The following NR4A1 variants were observed in gnomAD, a reference collection of about 807,000 sequenced individuals.
The protein encoded by NR4A1 is nuclear receptor subfamily 4immunitygroup A member 1.
Under a neutral mutation model 47.5 loss-of-function variants are expected in NR4A1, and 24 were observed. That is an observed-to-expected ratio of 0.50 (90% CI 0.37 to 0.71). The LOEUF (loss-of-function observed/expected upper bound fraction) is 0.71. Ranked by LOEUF, NR4A1 falls within the 30% of genes least tolerant of loss-of-function variation. The probability of loss-of-function intolerance (pLI) is 0.00; values close to 1 mark genes in which losing one functional copy is unlikely to be tolerated. For synonymous variants in NR4A1, 353 were observed against 345.7 expected (o/e 1.02, Z -0.24); for missense variants, 669 against 788.6 (o/e 0.85, Z 1.82).
In NR4A1 at chr12:52,054,731, C is replaced by A. The variant is rs777261727; in HGVS notation, c.403C>A (p.Pro135Thr). ...SSSGSDYYGS[P>T]CSAPSPSTPS... ...CAGTGGCTCTGACTACTATGGCAGC[C>A]CCTGCTCGGCCCCGTCGCCCTCCAC... The change falls in exon 2 of 7, where the codon CCC (proline) becomes ACC (threonine). Residue 135 changes from proline to threonine, a missense_variant. Pro to Thr is a conservative substitution (Grantham distance 38). Transcript: ENST00000394825. 3 of 1,613,158 alleles carry A rather than the reference C, an allele frequency of 1.9e-6. No individual in the cohort carries two copies.
upstream of NR4A1, chr12:52,051,441 G>T (rs1938934259): frequency 1.0e-6 from 1 of 985,442 alleles, no homozygotes; most frequent in Non-Finnish European, 1.2e-6. Flanking sequence ...CTCGGCCGGG[G>T]AGTCCCAGTG....
At position 52,054,679 on chromosome 12, in the gene NR4A1, C is replaced by A. The variant is rs746555677; in HGVS notation, c.351C>A (p.Ser117Arg). Residue 117 changes from serine (S) to arginine (R), a missense_variant, in exon 2 of 7, where the codon AGC becomes AGA. Transcript: ENST00000394825. Reference sequence around the variant, plus strand: ...ACGGCTGCTACCCCGGCCCCCTGAGCGGCCCAGTGGATGAGGCCCTGTCCT... The same window carrying A: ...ACGGCTGCTACCCCGGCCCCCTGAGAGGCCCAGTGGATGAGGCCCTGTCCT... ...QVYGCYPGPL[S>R]GPVDEALSSS... is the part of the protein sequence containing the mutation. 1.9e-6 allele frequency: 3 copies of A among 1,613,978 alleles called. No individual in the cohort carries two copies. The highest frequency in any genetic ancestry group is 1.7e-5 in the Admixed American group (1 of 60,024).
At chr12:52,041,049 A>T (rs1317394269) in intron 1 of NR4A1, among the ~76,000 whole-genome samples, 1 of 152,152 alleles carries the variant, frequency 6.6e-6, no homozygotes, top group East Asian at 1.9e-4. Context: ...AGGAGAGGCC[A>T]GGTGCCCAGG....
chr12:52,059,062 C>T lies in NR4A1; in HGVS notation c.*118C>T. ...GGCTTGAGCTGCAGAATGACTCCAC[C>T]TTCTCACCTGCTCCAGGAGGTTTGC... On this transcript the variant is annotated 3_prime_UTR_variant, in exon 7 of 7. Transcript: ENST00000394825. 7.8e-7 allele frequency: 1 copy of T among 1,285,578 alleles called. No individual in the cohort carries two copies. The highest frequency in any genetic ancestry group is 1.1e-6 in the Non-Finnish European group (1 of 949,770). The allele number at this position is 1,285,578 out of a possible 1,614,324, so 79.6% of individuals were successfully genotyped here.
chr12:52,037,356 G>T (rs1938272865), intron 1 of NR4A1: 12 of 985,364 alleles, frequency 1.2e-5, no homozygotes, highest in Non-Finnish European at 1.3e-5. Context: ...AGGCATGGGC[G>T]CCCCTGCGGT....
intron 1 of NR4A1, chr12:52,052,596 C>T (rs1303136125): frequency 1.8e-5 from 18 of 985,634 alleles, no homozygotes; most frequent in South Asian, 4.7e-5. Context: ...CCTTCAACCC[C>T]GCCTCTTCCT....
intron 2 of NR4A1, chr12:52,043,955 T>C (rs1351217679): frequency 7.8e-7 from 1 of 1,284,444 alleles, no homozygotes; most frequent in South Asian, 1.2e-5. Flanking sequence ...AGCTGGGCTG[T>C]TTGGATTTTT....
At chr12:52,050,876 A>G (rs1938888491), upstream of NR4A1, among the ~76,000 whole-genome samples, 1 of 152,142 alleles carries the variant, frequency 6.6e-6, no homozygotes, top group African/African-American at 2.4e-5. Flanking sequence ...ACCGCCCAGC[A>G]GCGGCAGCAG....
At chr12:52,046,649 A>G (rs1260006687), upstream of NR4A1, among the ~76,000 whole-genome samples, 1 of 152,190 alleles carries the variant, frequency 6.6e-6, no homozygotes, top group African/African-American at 2.4e-5. Flanking sequence ...CTGGATCCAT[A>G]TGAAGAAATA....
At chr12:52,058,654 C>G (rs778755070) in intron 6 of NR4A1, 34 bp from the exon 7 acceptor site, 4 of 1,518,956 alleles carry the variant, frequency 2.6e-6, no homozygotes, top group Non-Finnish European at 3.5e-6. Context: ...GCCTGGTTCT[C>G]AGATGTACAG....
At chr12:52,037,290 C>T (rs1447278866) in intron 1 of NR4A1, 34 of 771,382 alleles carry the variant, frequency 4.4e-5, no homozygotes, top group Non-Finnish European at 5.0e-5. Context: ...GAGGAGGTGG[C>T]GGCGGCGGCG....
intron 2 of NR4A1, among the ~76,000 whole-genome samples, chr12:52,044,383 C>T (rs1219331286): frequency 1.3e-5 from 2 of 152,202 alleles, no homozygotes; most frequent in Admixed American, 6.5e-5. Context: ...CCCGGCCTCC[C>T]AGCTGCTTTG....
At chr12:52,038,815 G>A in intron 1 of NR4A1, 11 of 745,266 alleles carry the variant, frequency 1.5e-5, no homozygotes, top group South Asian at 1.4e-4. Context: ...CTGTGCTGAG[G>A]CCTCTGCTGG....
rs1939168506 is a variant in NR4A1, at chr12:52,054,817, C to T, written c.489C>T (p.Pro163=). 1 of 1,613,624 alleles carries T rather than the reference C, an allele frequency of 6.2e-7. No homozygotes were observed. Among genetic ancestry groups the T allele is most frequent in the Non-Finnish European group, 8.5e-7 (1 of 1,179,982 alleles). ...ATGGCTCCTTCGGCCACTTCTCGCC[C>T]AGCCAGACTTACGAAGGCCTGCGGG... ...PWDGSFGHFS[P]SQTYEGLRAW... The change falls in exon 2 of 7, where the codon CCC becomes CCT. Residue 163 remains proline, a synonymous_variant. Transcript: ENST00000394825.
At chr12:52,052,300 T>TGAGA (rs1390206746) in intron 1 of NR4A1, among the ~76,000 whole-genome samples, 1 of 135,586 alleles carries the variant, frequency 7.4e-6, no homozygotes, top group South Asian at 2.4e-4. Flanking sequence ...TGTGTGTGTG[T>TGAGA]GTGTGAGAGA....
At chr12:52,041,908 G>T in exon 2 of NR4A1, 1 of 1,503,686 alleles carries the variant, frequency 6.7e-7, no homozygotes, top group Non-Finnish European at 8.9e-7. Flanking sequence ...GTTGGCCAAG[G>T]CCTGTTGGTC....
chr12:52,027,274 G>A (rs552927938), intron 1 of NR4A1, among the ~76,000 whole-genome samples: 1 of 152,362 alleles, frequency 6.6e-6, no homozygotes, highest in African/African-American at 2.4e-5. Context: ...GTCCCCAGGA[G>A]CATCAGCTGA....
chr12:52,059,065 C>A lies in NR4A1; in HGVS notation c.*121C>A. 1 of 1,269,490 alleles carries A rather than the reference C, an allele frequency of 7.9e-7. No homozygotes were observed. Among genetic ancestry groups the A allele is most frequent in the Non-Finnish European group, 1.1e-6 (1 of 936,860 alleles). The allele number at this position is 1,269,490 out of a possible 1,614,324, so 78.6% of individuals were successfully genotyped here. ...TTGAGCTGCAGAATGACTCCACCTT[C>A]TCACCTGCTCCAGGAGGTTTGCAGG... On this transcript the variant is annotated 3_prime_UTR_variant, in exon 7 of 7. Transcript: ENST00000394825.
chr12:52,056,927 A>G lies in NR4A1; in HGVS notation c.1159-130A>G, dbSNP rs530931112. 145 of 942,998 alleles carry G rather than the reference A, an allele frequency of 1.5e-4. No homozygotes were observed. In the East Asian group the frequency reaches 3.5e-3, roughly 23 times the overall value. The allele number at this position is 942,998 out of a possible 1,614,324, so 58.4% of individuals were successfully genotyped here. On this transcript the variant is annotated intron_variant, in intron 4 of 6. Transcript: ENST00000394825. ...GTTAATATGTGAGACTTGGCAAGTG[A>G]GAGCCTGGGCAGGATCTCAGATCCA... is the stretch of plus-strand genomic sequence containing the variant.
Sources: allele counts gnomAD v4.1 joint callset (sites outside exome capture counted in the v4.1 genomes callset), GRCh38; gene constraint gnomAD v4.1.1; transcripts MANE v1.5; gene names NCBI Gene and HGNC (gene_info 2026-07-23, HGNC 2026-07-21).